Variants in PLCB1 observed in about 807,000 individuals in gnomAD.
The protein encoded by PLCB1 is phospholipase C beta 1.
In PLCB1, 46 loss-of-function variants were observed where a neutral mutation model predicts 161.8. The observed-to-expected ratio is 0.28, with a 90% CI of 0.22 to 0.36. PLCB1 has a LOEUF of 0.36. PLCB1 is among the 10% of genes least tolerant of loss of function. PLCB1 has a pLI of 1.00. For synonymous variants in PLCB1, 517 were observed against 503.7 expected (o/e 1.03, Z -0.35); for missense variants, 1,016 against 1,472.5 (o/e 0.69, Z 5.07).
chr20:8,195,301 A>C (rs2052009885), intron 2 of PLCB1, among the ~76,000 whole-genome samples: 1 of 151,974 alleles, frequency 6.6e-6, no homozygotes, highest in African/African-American at 2.4e-5. Flanking sequence ...AGATATATTA[A>C]ACCTAATCCC....
chr20:8,463,689 A>C (rs1404998215), intron 3 of PLCB1, among the ~76,000 whole-genome samples: 1 of 151,902 alleles, frequency 6.6e-6, no homozygotes, highest in Non-Finnish European at 1.5e-5. Context: ...TCTTTTTTCT[A>C]ATCTCTTGGT....
intron 11 of PLCB1, among the ~76,000 whole-genome samples, chr20:8,702,196 G>C (rs1978405408): frequency 6.6e-6 from 1 of 152,148 alleles, no homozygotes; most frequent in South Asian, 2.1e-4. Context: ...TTTGTAGTCT[G>C]GCTTTATTAT....
intron 9 of PLCB1, among the ~76,000 whole-genome samples, chr20:8,679,488 C>T (rs1044000106): frequency 1.3e-5 from 2 of 152,150 alleles, no homozygotes; most frequent in Non-Finnish European, 2.9e-5. Context: ...CCTTTGTATG[C>T]ATTTGCAAGC....
At chr20:8,367,737 A>T (rs1352109074) in intron 2 of PLCB1, among the ~76,000 whole-genome samples, 1 of 152,228 alleles carries the variant, frequency 6.6e-6, no homozygotes, top group Non-Finnish European at 1.5e-5. Flanking sequence ...GCTTTATTGT[A>T]ATGAGTTGTT....
intron 4 of PLCB1, among the ~76,000 whole-genome samples, chr20:8,632,058 T>G (rs939987835): frequency 7.5e-4 from 90 of 120,064 alleles, no homozygotes; most frequent in East Asian, 1.2e-3. Flanking sequence ...TTTTTTTTTT[T>G]TTTTTTTTTG....
intron 4 of PLCB1, among the ~76,000 whole-genome samples, chr20:8,629,944 CTCTTTCTTT>C (rs1988509195): frequency 2.3e-5 from 3 of 130,648 alleles, no homozygotes; most frequent in Non-Finnish European, 4.9e-5. Context: ...CTTTCTTTCT[CTCTTTCTTT>C]TCTTTCTTTC....
chr20:8,638,458 A>G (rs1988837028), intron 4 of PLCB1, among the ~76,000 whole-genome samples: 1 of 152,126 alleles, frequency 6.6e-6, no homozygotes, highest in Non-Finnish European at 1.5e-5. Context: ...GCAGGATATT[A>G]TAGTCAAATT....
At chr20:8,510,383 C>CTTTTTTTTTT (rs11479098) in intron 3 of PLCB1, among the ~76,000 whole-genome samples, 9 of 119,708 alleles carry the variant, frequency 7.5e-5, no homozygotes, top group Admixed American at 1.8e-4. Flanking sequence ...TTTTCTTTTT[C>CTTTTTTTTTT]TTTTTTTTTT....
chr20:8,274,811 G>T (rs1300520188), intron 2 of PLCB1, among the ~76,000 whole-genome samples: 1 of 152,096 alleles, frequency 6.6e-6, no homozygotes, highest in Non-Finnish European at 1.5e-5. Flanking sequence ...TGTAGCCATT[G>T]CTCCATGGGC....
chr20:8,165,751 A>G (rs570171958), intron 2 of PLCB1, among the ~76,000 whole-genome samples: 2 of 152,184 alleles, frequency 1.3e-5, no homozygotes, highest in Non-Finnish European at 2.9e-5. Context: ...GTCAGGTCCA[A>G]AGCCAATGAC....
intron 1 of PLCB1, among the ~76,000 whole-genome samples, chr20:8,136,209 G>A (rs1408329601): frequency 1.3e-5 from 2 of 152,098 alleles, no homozygotes; most frequent in Admixed American, 6.5e-5. Flanking sequence ...TTTCCTCAAC[G>A]GTAACATGCA....
At chr20:8,282,763 G>T (rs1982932267) in intron 2 of PLCB1, among the ~76,000 whole-genome samples, 3 of 152,036 alleles carry the variant, frequency 2.0e-5, no homozygotes. Context: ...GTTGGATCTT[G>T]TCCCAACTGC....
intron 3 of PLCB1, among the ~76,000 whole-genome samples, chr20:8,594,547 A>G (rs1987261617): frequency 6.6e-6 from 1 of 152,140 alleles, no homozygotes; most frequent in Non-Finnish European, 1.5e-5. Context: ...CACAAACCAC[A>G]TTTTGAGTAG....
At chr20:8,235,813 A>G (rs1165017627) in intron 2 of PLCB1, among the ~76,000 whole-genome samples, 5 of 152,214 alleles carry the variant, frequency 3.3e-5, no homozygotes, top group Admixed American at 6.5e-5. Context: ...TTTTATGTCC[A>G]GTAATCAAAA....
chr20:8,536,095 AG>A (rs1344477112), intron 3 of PLCB1, among the ~76,000 whole-genome samples: 1 of 152,104 alleles, frequency 6.6e-6, no homozygotes, highest in Admixed American at 6.5e-5. Context: ...CACATGATGG[AG>A]GAAAAAGAAT....
chr20:8,434,420 G>A (rs553029028), intron 3 of PLCB1, among the ~76,000 whole-genome samples: 1 of 152,116 alleles, frequency 6.6e-6, no homozygotes, highest in African/African-American at 2.4e-5. Flanking sequence ...AAGCATGTAA[G>A]GTCAAGAGGG....
At chr20:8,205,089 A>G (rs1978455896) in intron 2 of PLCB1, among the ~76,000 whole-genome samples, 1 of 152,208 alleles carries the variant, frequency 6.6e-6, no homozygotes, top group Non-Finnish European at 1.5e-5. Context: ...ATTTAGCATA[A>G]TAATCCGAAA....
chr20:8,843,111 A>T (rs1986569333), intron 31 of PLCB1, among the ~76,000 whole-genome samples: 1 of 152,230 alleles, frequency 6.6e-6, no homozygotes, highest in African/African-American at 2.4e-5. Context: ...CAAAATATGT[A>T]TTTGGATATA....
At chr20:8,238,714 A>G (rs1980449563) in intron 2 of PLCB1, among the ~76,000 whole-genome samples, 1 of 152,024 alleles carries the variant, frequency 6.6e-6, no homozygotes, top group Non-Finnish European at 1.5e-5. Context: ...GAAAACGGAA[A>G]GGGGGCAAAA....
Sources: allele counts gnomAD v4.1 joint callset (sites outside exome capture counted in the v4.1 genomes callset), GRCh38; gene constraint gnomAD v4.1.1; transcripts MANE v1.5; gene names NCBI Gene and HGNC (gene_info 2026-07-23, HGNC 2026-07-21).